YTHDF1: variants seen among roughly 807,000 people sequenced by gnomAD.
YTHDF1 encodes the protein YTH domain-containing family protein 1.
In YTHDF1, 16 loss-of-function variants were observed where a neutral mutation model predicts 49.1. That is an observed-to-expected ratio of 0.33 (90% CI 0.22 to 0.49). The LOEUF is 0.49. YTHDF1 is among the 20% of genes least tolerant of loss of function. The pLI is 0.99. For synonymous variants in YTHDF1, 313 were observed against 290.1 expected (o/e 1.08, Z -0.80); for missense variants, 621 against 744.3 (o/e 0.83, Z 1.93).
chr20:63,202,428 G>A lies in YTHDF1; in HGVS notation c.1512C>T (p.Asn504=). The change falls in exon 4 of 5, where the codon AAC becomes AAT. Residue 504 remains asparagine, a synonymous_variant. Coordinates refer to ENST00000370339, the MANE Select transcript of YTHDF1 (RefSeq NM_017798.4). ...LENNDNKPVT[N]SRDTQEVPLE... ...AGGGCACCTCCTGGGTGTCCCGGGA[G>A]TTTGTGACCGGTTTGTTGTCGTTAT... 1.2e-6 allele frequency: 2 copies of A among 1,614,288 alleles called. No individual in the cohort carries two copies. The highest frequency in any genetic ancestry group is 1.7e-6 in the Non-Finnish European group (2 of 1,180,048).
chr20:63,202,644 C>T lies in YTHDF1; in HGVS notation c.1296G>A (p.Gly432=), dbSNP rs1375773202. 1.2e-6 allele frequency: 2 copies of T among 1,613,844 alleles called. No individual in the cohort carries two copies. Among genetic ancestry groups the T allele is most frequent in the Non-Finnish European group, 1.7e-6 (2 of 1,180,044 alleles). The change falls in exon 4 of 5, where the codon GGG becomes GGA. Residue 432 remains glycine, a synonymous_variant. Coordinates refer to ENST00000370339, the MANE Select transcript of YTHDF1 (RefSeq NM_017798.4). The part of the protein sequence containing the change: ...DSAFRCMSSK[G]PVYLLFSVNG... The stretch of plus-strand genomic sequence containing the variant: ...TGACGCTGAAGAGCAGGTAGACGGG[C>T]CCCTTGCTGCTCATGCAGCGGAAGG...
In YTHDF1 at chr20:63,207,879, T is replaced by C. The variant is rs147646356; in HGVS notation, c.133-4072A>G. The stretch of plus-strand genomic sequence containing the variant: ...GGTGGCAGGCACCTGTAGTCCCAGC[T>C]ACTCCGGAGCCTGAGGCAGGAGAAT... On this transcript the variant is annotated intron_variant, in intron 3 of 4. Transcript: ENST00000370339. 7.5e-3 allele frequency among the ~76,000 whole-genome samples: 1,137 copies of C among 151,980 alleles called. 12 individuals are homozygous for C. The highest frequency in any genetic ancestry group is 0.025 in the African/African-American group (1,036 of 41,426).
chr20:63,209,094 A>G (rs2066561636), intron 3 of YTHDF1, among the ~76,000 whole-genome samples: 1 of 152,240 alleles, frequency 6.6e-6, no homozygotes, highest in Non-Finnish European at 1.5e-5. Flanking sequence ...AGGTACAGTA[A>G]AAATACGGTA....
At chr20:63,215,826 C>T in intron 1 of YTHDF1, 40 bp downstream of exon 1, 1 of 1,454,258 alleles carries the variant, frequency 6.9e-7, no homozygotes, top group Middle Eastern at 2.4e-4. Context: ...GACCCCGCGC[C>T]TCGGCCCCGG....
In YTHDF1 at chr20:63,213,953, A is replaced by C. The variant is rs776246168; in HGVS notation, c.53-10T>G. Reference sequence around the variant, plus strand: ...AACGAACCATTTTGTACTAGAACAAAAAGTTGCAAAATATTACCCTCAAAT... The same window carrying C: ...AACGAACCATTTTGTACTAGAACAACAAGTTGCAAAATATTACCCTCAAAT... On this transcript the variant is annotated splice_polypyrimidine_tract_variant and intron_variant, in intron 2 of 4. Transcript: ENST00000370339. 3 of 1,570,552 alleles carry C rather than the reference A, an allele frequency of 1.9e-6. No individual in the cohort carries two copies. Among genetic ancestry groups the C allele is most frequent in the East Asian group, 4.6e-5 (2 of 43,306 alleles).
intron 3 of YTHDF1, among the ~76,000 whole-genome samples, chr20:63,206,745 C>T (rs1380534775): frequency 6.6e-6 from 1 of 152,234 alleles, no homozygotes; most frequent in East Asian, 1.9e-4. Context: ...AGCCCATTTC[C>T]TATTACATCT....
rs939645393 is a variant in YTHDF1 at position 63,203,617 on chromosome 20, G to T, written c.323C>A (p.Pro108His). 1 of 1,614,018 alleles carries T rather than the reference G, an allele frequency of 6.2e-7. No homozygotes were observed. ...HFMHDAVFGQ[P>H]GGLGNNIYQH... is the part of the protein sequence containing the mutation. ...ATAGATGTTGTTCCCCAGGCCCCCAGGCTGCCCAAAAACAGCATCGTGCAT... is the reference window on the plus strand; with the variant it reads ...ATAGATGTTGTTCCCCAGGCCCCCATGCTGCCCAAAAACAGCATCGTGCAT... The change falls in exon 4 of 5, where the codon CCT (proline) becomes CAT (histidine). Residue 108 changes from proline to histidine, a missense_variant. Pro to His is a moderately conservative substitution (Grantham distance 77, BLOSUM62 -2). This residue lies in a region of YTHDF1 where 470 missense variants were observed against 495.8 expected (regional missense o/e 0.95). Transcript: ENST00000370339. The surrounding 1 kb of genome is among the most constrained non-coding windows in gnomAD (Gnocchi z 4.4).
Position 63,195,981 on chromosome 20 carries a change from A to G in YTHDF1, c.*727T>C. The G allele has an allele frequency of 6.6e-6, 1 of 152,356 alleles. No homozygotes were observed. The allele number at this position is 152,356 out of a possible 1,614,324, so 9.4% of individuals were successfully genotyped here. On this transcript the variant is annotated 3_prime_UTR_variant, in exon 5 of 5. Coordinates refer to ENST00000370339, the MANE Select transcript of YTHDF1 (RefSeq NM_017798.4). ...ATTTAAAAAGATGTGCAAACAACAAAGAATGCCCGACCCTGAACCAGACCT... is the reference window on the plus strand; with the variant it reads ...ATTTAAAAAGATGTGCAAACAACAAGGAATGCCCGACCCTGAACCAGACCT...
intron 2 of YTHDF1, among the ~76,000 whole-genome samples, chr20:63,215,037 G>GT (rs1188441054): frequency 1.3e-5 from 2 of 152,162 alleles, no homozygotes; most frequent in African/African-American, 4.8e-5. Flanking sequence ...ACCGTATTTG[G>GT]TTACACCTGA....
At chr20:63,198,855 G>T (rs2066504453) in intron 4 of YTHDF1, among the ~76,000 whole-genome samples, 1 of 152,232 alleles carries the variant, frequency 6.6e-6, no homozygotes, top group Admixed American at 6.5e-5. Flanking sequence ...AATGCTCACA[G>T]TGTGGGACGC....
At chr20:63,206,642 G>A (rs974067912) in intron 3 of YTHDF1, among the ~76,000 whole-genome samples, 14 of 152,226 alleles carry the variant, frequency 9.2e-5, no homozygotes, top group African/African-American at 3.1e-4. Context: ...TACTTTCTGT[G>A]CTCACCGGGT....
In YTHDF1 at chr20:63,211,731, A is replaced by G. The variant is rs148635216; in HGVS notation, c.132+2133T>C. On this transcript the variant is annotated intron_variant, in intron 3 of 4. Coordinates refer to ENST00000370339, the MANE Select transcript of YTHDF1 (RefSeq NM_017798.4). Reference sequence around the variant, plus strand: ...CACTTTGGGAGGCCAAAGCAGGAAGATCACTTGAGCCCAGAAGTTCAAGAC... The same window carrying G: ...CACTTTGGGAGGCCAAAGCAGGAAGGTCACTTGAGCCCAGAAGTTCAAGAC... Among the ~76,000 whole-genome samples, 1,436 of 152,250 alleles carry G rather than the reference A, an allele frequency of 9.4e-3. 15 individuals are homozygous for G. The highest frequency in any genetic ancestry group is 0.033 in the African/African-American group (1,371 of 41,540).
intron 4 of YTHDF1, among the ~76,000 whole-genome samples, chr20:63,198,318 G>A (rs1035455273): frequency 9.2e-5 from 14 of 151,518 alleles, no homozygotes; most frequent in Non-Finnish European, 1.5e-4. Flanking sequence ...GGTGACCGGC[G>A]CCTGTAATCC....
At chr20:63,215,784 G>A (rs2066599333) in intron 1 of YTHDF1, 82 bp downstream of exon 1, 4 of 1,412,652 alleles carry the variant, frequency 2.8e-6, no homozygotes, top group Non-Finnish European at 3.7e-6. Flanking sequence ...GCGACCCCGG[G>A]CTCTGCGTTC....
In YTHDF1 at chr20:63,203,695, G is replaced by T. The variant is rs749036007; in HGVS notation, c.245C>A (p.Pro82Gln). ...EAPWSTAGDPPIPYLTTYGQL... is the reference protein window; with the variant it reads ...EAPWSTAGDPQIPYLTTYGQL... ...TCCGTAGGTGGTGAGGTATGGAATC[G>T]GAGGGTCCCCTGCAGTAGACCACGG... The change falls in exon 4 of 5, where the codon CCG becomes CAG. Residue 82 changes from proline to glutamine, a missense_variant. Coordinates refer to ENST00000370339, the MANE Select transcript of YTHDF1 (RefSeq NM_017798.4). The surrounding 1 kb of genome is among the most constrained non-coding windows in gnomAD (Gnocchi z 4.4). 1.1e-5 allele frequency: 17 copies of T among 1,614,032 alleles called. No individual in the cohort carries two copies. The South Asian group carries it at 1.8e-4, about 17-fold the overall frequency.
At chr20:63,212,835 T>G (rs966908657) in intron 3 of YTHDF1, among the ~76,000 whole-genome samples, 10 of 151,942 alleles carry the variant, frequency 6.6e-5, no homozygotes, top group Non-Finnish European at 1.5e-4. Flanking sequence ...ATCTAGTGGG[T>G]GGGAAGCCAG....
At chr20:63,215,645 G>C in intron 1 of YTHDF1, 44 bp from the exon 2 acceptor site, 5 of 1,580,918 alleles carry the variant, frequency 3.2e-6, no homozygotes, top group Non-Finnish European at 4.3e-6. Context: ...ACAACCCGGG[G>C]GAAGAGGGAA....
In YTHDF1 at chr20:63,203,011, G is replaced by C. The variant is rs768597832; in HGVS notation, c.929C>G (p.Pro310Arg). 1.2e-6 allele frequency: 2 copies of C among 1,611,552 alleles called. No individual in the cohort carries two copies. Among genetic ancestry groups the C allele is most frequent in the African/African-American group, 1.3e-5 (1 of 74,938 alleles). Residue 310 changes from proline to arginine, a missense_variant, in exon 4 of 5, where the codon CCA becomes CGA. Around this residue, in one of 2 missense-constraint regions of YTHDF1, gnomAD observed 470 missense variants for 495.8 expected, o/e 0.95. Transcript: ENST00000370339. The surrounding 1 kb of genome is among the most constrained non-coding windows in gnomAD (Gnocchi z 4.4). ...CTGATACTGCGGTTGAGCCAAAGCT[G>C]GGGGCTGTGCTGGGAGAGGCTGAGC... ...QVAQPLPAQP[P>R]ALAQPQYQSP...
chr20:63,204,315 G>A (rs2066534331), intron 3 of YTHDF1, among the ~76,000 whole-genome samples: 1 of 152,166 alleles, frequency 6.6e-6, no homozygotes, highest in African/African-American at 2.4e-5. Context: ...GCAGGCCCTG[G>A]GCGCCCACCT....
Sources: allele counts gnomAD v4.1 joint callset (sites outside exome capture counted in the v4.1 genomes callset), GRCh38; gene constraint gnomAD v4.1.1; regional missense constraint gnomAD v4.1.1; non-coding constraint Gnocchi (gnomAD v3.1); transcripts MANE v1.5; gene names NCBI Gene and HGNC (gene_info 2026-07-23, HGNC 2026-07-21).